Variants in CLNK observed in about 807,000 individuals in gnomAD.
The protein encoded by CLNK is cytokine-dependent hematopoietic cell linker.
A neutral mutation model predicts 68.6 loss-of-function variants in CLNK; 74 were observed. The ratio of observed to expected loss-of-function variants is 1.08; its 90% CI spans 0.89 to 1.31. The LOEUF is 1.31. CLNK is among the 50% of genes most tolerant of loss of function. The probability of loss-of-function intolerance (pLI) is 0.00; values close to 1 mark genes in which losing one functional copy is unlikely to be tolerated. For synonymous variants in CLNK, 198 were observed against 172.2 expected (o/e 1.15, Z -1.17); for missense variants, 553 against 515.3 (o/e 1.07, Z -0.71).
At chr4:10,669,483 G>A (rs2108894778) in intron 1 of CLNK, among the ~76,000 whole-genome samples, 1 of 152,286 alleles carries the variant, frequency 6.6e-6, no homozygotes, top group East Asian at 1.9e-4. Flanking sequence ...ATGCGCAAAG[G>A]TGTGAAGATG....
At chr4:10,606,605 A>G (rs946334614) in intron 2 of CLNK, among the ~76,000 whole-genome samples, 7 of 152,212 alleles carry the variant, frequency 4.6e-5, no homozygotes, top group Non-Finnish European at 7.3e-5. Flanking sequence ...TGTTTACACC[A>G]GCATCATCAC....
At chr4:10,636,111 G>A (rs56198047) in intron 2 of CLNK, among the ~76,000 whole-genome samples, 4,664 of 152,256 alleles carry the variant, frequency 0.031, 176 homozygotes, top group African/African-American at 0.082. Context: ...ACACTGTCAA[G>A]ATTGAGTGGT....
the CLNK span, among the ~76,000 whole-genome samples, chr4:10,691,754 C>T: frequency 2.0e-5 from 3 of 152,168 alleles, no homozygotes; most frequent in Non-Finnish European, 4.4e-5. Flanking sequence ...GGACAAAGGG[C>T]CCCATACCAT....
chr4:10,729,866 T>C, the CLNK span, among the ~76,000 whole-genome samples: 1 of 152,232 alleles, frequency 6.6e-6, no homozygotes, highest in Non-Finnish European at 1.5e-5. Context: ...CTTGCAAATA[T>C]GAAAGATCAC....
intron 13 of CLNK, among the ~76,000 whole-genome samples, chr4:10,527,768 CAGGGGACTAGTTATGTCTTTCCAA>C (rs1167434646): frequency 1.3e-5 from 2 of 152,140 alleles, no homozygotes; most frequent in African/African-American, 4.8e-5. Flanking sequence ...TTTTTTGGAG[CAGGGGACTAGTTATGTCTTTCCAA>C]AGTGGCAGAG....
At chr4:10,621,401 G>A (rs1342201429) in intron 2 of CLNK, among the ~76,000 whole-genome samples, 1 of 152,210 alleles carries the variant, frequency 6.6e-6, no homozygotes, top group Non-Finnish European at 1.5e-5. Flanking sequence ...AATACATGAA[G>A]AAGTCTATCA....
the CLNK span, among the ~76,000 whole-genome samples, chr4:10,728,628 G>A: frequency 2.9e-5 from 4 of 139,334 alleles, no homozygotes; most frequent in African/African-American, 1.1e-4. Flanking sequence ...TTTTGAAACG[G>A]AGTCTCCATC....
intron 7 of CLNK, among the ~76,000 whole-genome samples, chr4:10,562,090 CTTTTTCTTTTCTT>C (rs1048151915): frequency 4.7e-5 from 6 of 128,514 alleles, no homozygotes; most frequent in East Asian, 2.4e-4. Context: ...CATTTCTTTT[CTTTTTCTTTTCTT>C]TTTTTTTTTT....
chr4:10,559,117 GT>G (rs1325236322), intron 7 of CLNK, among the ~76,000 whole-genome samples: 13 of 152,164 alleles, frequency 8.5e-5, no homozygotes, highest in Non-Finnish European at 1.6e-4. Context: ...CTATTAAGGG[GT>G]ACACAACTGG....
chr4:10,544,348 C>A (rs1392350259), intron 8 of CLNK, among the ~76,000 whole-genome samples: 1 of 152,194 alleles, frequency 6.6e-6, no homozygotes, highest in Non-Finnish European at 1.5e-5. Context: ...GGTATGGACT[C>A]ATTTTTAATA....
intron 2 of CLNK, among the ~76,000 whole-genome samples, chr4:10,619,741 G>A (rs1346340939): frequency 6.6e-6 from 1 of 152,208 alleles, no homozygotes; most frequent in African/African-American, 2.4e-5. Context: ...TCAGCATGGT[G>A]TGCTATGTGA....
At chr4:10,670,134 A>G (rs1724572048) in intron 1 of CLNK, among the ~76,000 whole-genome samples, 1 of 152,234 alleles carries the variant, frequency 6.6e-6, no homozygotes, top group African/African-American at 2.4e-5. Flanking sequence ...AAACATATGA[A>G]AATGTCTTAC....
intron 4 of CLNK, among the ~76,000 whole-genome samples, chr4:10,584,141 G>T (rs914594184): frequency 3.3e-5 from 5 of 152,202 alleles, no homozygotes; most frequent in Admixed American, 1.3e-4. Flanking sequence ...CTCTCTCCCT[G>T]TGTGAACTCG....
the CLNK span, among the ~76,000 whole-genome samples, chr4:10,732,087 A>T: frequency 1.3e-5 from 2 of 152,364 alleles, no homozygotes; most frequent in East Asian, 3.9e-4. Context: ...TACAAAAATG[A>T]CCTCAAGATT....
chr4:10,567,981 C>T (rs1720188936), intron 5 of CLNK, among the ~76,000 whole-genome samples: 1 of 152,318 alleles, frequency 6.6e-6, no homozygotes, highest in Non-Finnish European at 1.5e-5. Context: ...GGGAATGTAA[C>T]AGGGTACAGC....
the CLNK span, among the ~76,000 whole-genome samples, chr4:10,731,754 C>A: frequency 6.6e-6 from 1 of 152,162 alleles, no homozygotes; most frequent in Non-Finnish European, 1.5e-5. Flanking sequence ...AGGGCAGAAT[C>A]CATACATGTA....
At chr4:10,704,537 C>T in the CLNK span, among the ~76,000 whole-genome samples, 2 of 152,178 alleles carry the variant, frequency 1.3e-5, no homozygotes, top group African/African-American at 4.8e-5. Flanking sequence ...AGACCTCTTC[C>T]CTCCCTCCAC....
chr4:10,606,667 C>T (rs947852116), intron 2 of CLNK, among the ~76,000 whole-genome samples: 1 of 152,178 alleles, frequency 6.6e-6, no homozygotes, highest in Admixed American at 6.5e-5. Flanking sequence ...TGCCGCATTA[C>T]TAGGTGATAG....
In CLNK at chr4:10,488,017, T is replaced by C. The variant is rs1241064052; in HGVS notation, c.*2450A>G. The stretch of plus-strand genomic sequence containing the variant: ...AACCCCAATCACCAGAAGCAGCCCA[T>C]GTCAGTATTTTCCATTTTATATTTT... On this transcript the variant is annotated 3_prime_UTR_variant, in exon 19 of 19. Transcript: ENST00000226951. 6.6e-6 allele frequency: 1 copy of C among 152,232 alleles called. No homozygotes were observed. The highest frequency in any genetic ancestry group is 1.5e-5 in the Non-Finnish European group (1 of 68,042). The allele number at this position is 152,232 out of a possible 1,614,324, so 9.4% of individuals were successfully genotyped here. A position where few individuals can be genotyped will look rare whatever the true frequency, so the allele number is the denominator to read the frequency against.
Sources: allele counts gnomAD v4.1 joint callset (sites outside exome capture counted in the v4.1 genomes callset), GRCh38; gene constraint gnomAD v4.1.1; transcripts MANE v1.5; gene names NCBI Gene and HGNC (gene_info 2026-07-23, HGNC 2026-07-21).